The following MECOM variants were observed in gnomAD, a reference collection of about 807,000 sequenced individuals.
MECOM encodes histone-lysine N-methyltransferase MECOM.
MECOM carries 13 observed loss-of-function variants against 116.3 expected under a neutral mutation model. The observed-to-expected ratio is 0.11, with a 90% CI of 0.07 to 0.18. MECOM has a LOEUF of 0.18. Among genes scored for constraint, MECOM ranks in the 10% least tolerant of loss-of-function variants. The pLI is 1.00. For missense variants in MECOM, 1,299 were observed against 1,509.0 expected (o/e 0.86, Z 2.31); for synonymous variants, 528 against 535.2 (o/e 0.99, Z 0.19).
At chr3:169,269,448 T>C (rs1387086072) in intron 2 of MECOM, among the ~76,000 whole-genome samples, 2 of 152,016 alleles carry the variant, frequency 1.3e-5, no homozygotes, top group Non-Finnish European at 2.9e-5. Context: ...TCCAAATACA[T>C]GTGGACAAAA....
intron 1 of MECOM, among the ~76,000 whole-genome samples, chr3:169,414,220 C>A (rs917567621): frequency 6.6e-6 from 1 of 152,228 alleles, no homozygotes; most frequent in Non-Finnish European, 1.5e-5. Flanking sequence ...TGTTCTGCAG[C>A]CTCCACTGGT....
intron 2 of MECOM, among the ~76,000 whole-genome samples, chr3:169,273,510 A>G (rs1430161366): frequency 6.6e-6 from 1 of 152,182 alleles, no homozygotes; most frequent in Non-Finnish European, 1.5e-5. Flanking sequence ...AAAACTAGTC[A>G]ATAATTATCT....
At chr3:169,333,570 C>T (rs926433777) in intron 2 of MECOM, among the ~76,000 whole-genome samples, 3 of 151,506 alleles carry the variant, frequency 2.0e-5, no homozygotes, top group Non-Finnish European at 2.9e-5. Flanking sequence ...AATTATTTGC[C>T]GAATAAAAGT....
At chr3:169,605,930 A>G (rs752157110) in intron 1 of MECOM, among the ~76,000 whole-genome samples, 9 of 152,198 alleles carry the variant, frequency 5.9e-5, no homozygotes, top group Non-Finnish European at 1.0e-4. Context: ...GTGAAATATC[A>G]TAGACAGAAT....
rs543183904 is a variant in MECOM, at chr3:169,314,631, A to G, written c.375+66556T>C. 3.9e-5 allele frequency among the ~76,000 whole-genome samples: 6 copies of G among 152,336 alleles called. No homozygotes were observed. In the South Asian group the frequency reaches 1.2e-3, roughly 32 times the overall value. On this transcript the variant is annotated intron_variant, in intron 2 of 16. Transcript: ENST00000651503. ...GACAATAAAAGATGCCCAAGAATGA[A>G]AGTGGGAAAGAGAAGAAAAGGGAAA...
chr3:169,219,662 G>C (rs1346201471), intron 2 of MECOM, among the ~76,000 whole-genome samples: 1 of 152,016 alleles, frequency 6.6e-6, no homozygotes, highest in Non-Finnish European at 1.5e-5. Flanking sequence ...GTAGGGGTGG[G>C]TGTGTGGTGT....
chr3:169,600,500 T>G (rs2109735912), intron 1 of MECOM, among the ~76,000 whole-genome samples: 1 of 152,268 alleles, frequency 6.6e-6, no homozygotes, highest in Middle Eastern at 3.4e-3. Flanking sequence ...TAAGTATCAT[T>G]TAGATGTCCA....
intron 7 of MECOM, among the ~76,000 whole-genome samples, chr3:169,117,155 G>C (rs1462324355): frequency 1.3e-5 from 2 of 152,054 alleles, no homozygotes; most frequent in African/African-American, 4.8e-5. Flanking sequence ...AAATTTTAGA[G>C]TACTTAAAAA....
intron 1 of MECOM, among the ~76,000 whole-genome samples, chr3:169,571,488 C>T (rs920757058): frequency 6.6e-5 from 10 of 152,194 alleles, no homozygotes; most frequent in African/African-American, 2.2e-4. Context: ...TAAGAAAAAA[C>T]TACTTTAAAT....
At chr3:169,146,528 A>G in intron 2 of MECOM, 1 of 1,378,352 alleles carries the variant, frequency 7.3e-7, no homozygotes, top group Non-Finnish European at 9.6e-7. Flanking sequence ...ACCGTTTCGC[A>G]GGAGGAACAA....
At chr3:169,472,653 GAAAAGAA>G (rs1749702853) in intron 1 of MECOM, among the ~76,000 whole-genome samples, 2 of 70,360 alleles carry the variant, frequency 2.8e-5, no homozygotes, top group African/African-American at 1.3e-4. Context: ...GAAAGGAAAA[GAAAAGAA>G]AGGAAAGGAA....
intron 2 of MECOM, among the ~76,000 whole-genome samples, chr3:169,312,444 C>T (rs1718972660): frequency 6.7e-6 from 1 of 148,714 alleles, no homozygotes; most frequent in Non-Finnish European, 1.5e-5. Flanking sequence ...TCTCGGCTCA[C>T]TGCAAGCTCC....
At chr3:169,194,534 GCAA>G (rs1748155577) in intron 2 of MECOM, among the ~76,000 whole-genome samples, 1 of 151,908 alleles carries the variant, frequency 6.6e-6, no homozygotes, top group Admixed American at 6.6e-5. Flanking sequence ...ATAAATAACA[GCAA>G]CAACAATAAC....
chr3:169,322,622 T>C (rs964413687), intron 2 of MECOM, among the ~76,000 whole-genome samples: 4 of 151,126 alleles, frequency 2.6e-5, no homozygotes, highest in African/African-American at 9.7e-5. Flanking sequence ...TTCACCACTG[T>C]AAAAAGAAAA....
chr3:169,446,264 G>A (rs1398582727), intron 1 of MECOM, among the ~76,000 whole-genome samples: 6 of 152,104 alleles, frequency 3.9e-5, no homozygotes, highest in Non-Finnish European at 5.9e-5. Context: ...TGTTGTGGGA[G>A]GGAACCAGGG....
At chr3:169,503,970 A>G (rs1754873480) in intron 1 of MECOM, among the ~76,000 whole-genome samples, 1 of 152,108 alleles carries the variant, frequency 6.6e-6, no homozygotes, top group Admixed American at 6.5e-5. Flanking sequence ...CTCTGTTTAA[A>G]GCTATATGTT....
At chr3:169,451,397 C>T (rs1329210352) in intron 1 of MECOM, among the ~76,000 whole-genome samples, 1 of 152,132 alleles carries the variant, frequency 6.6e-6, no homozygotes, top group East Asian at 1.9e-4. Flanking sequence ...AAAATATTAA[C>T]CATCTTAGCT....
At chr3:169,283,015 G>T (rs1403141806) in intron 2 of MECOM, among the ~76,000 whole-genome samples, 1 of 151,932 alleles carries the variant, frequency 6.6e-6, no homozygotes, top group Non-Finnish European at 1.5e-5. Context: ...CAAAGTATAT[G>T]CTGACTTCAA....
At chr3:169,310,580 C>T (rs375318400) in intron 2 of MECOM, among the ~76,000 whole-genome samples, 4 of 152,174 alleles carry the variant, frequency 2.6e-5, no homozygotes, top group East Asian at 3.8e-4. Flanking sequence ...TTGATTTTGG[C>T]GTGTGTATCT....
Sources: gnomAD v4.1 joint callset for allele counts (sites outside exome capture counted in the v4.1 genomes callset) on GRCh38, gnomAD v4.1.1 for gene constraint, MANE v1.5 for transcripts, NCBI Gene and HGNC (gene_info 2026-07-23, HGNC 2026-07-21) for gene names.